The following GALNT7 variants were observed in gnomAD, a reference collection of about 807,000 sequenced individuals.
GALNT7 encodes the protein N-acetylgalactosaminyltransferase 7.
In GALNT7, 60 loss-of-function variants were observed where a neutral mutation model predicts 82.1. The ratio of observed to expected loss-of-function variants is 0.73; its 90% CI spans 0.59 to 0.91. GALNT7 has a LOEUF of 0.91. GALNT7 is among the 40% of genes least tolerant of loss of function. GALNT7 has a pLI of 0.00. For missense variants in GALNT7, 660 were observed against 804.2 expected, an observed-to-expected ratio of 0.82 and a Z score of 2.17; for synonymous variants, 243 against 275.1, an observed-to-expected ratio of 0.88 and a Z score of 1.15.
intron 1 of GALNT7, among the ~76,000 whole-genome samples, chr4:173,177,738 T>C (rs1396274755): frequency 6.6e-6 from 1 of 152,152 alleles, no homozygotes; most frequent in Non-Finnish European, 1.5e-5. Flanking sequence ...ATTACCTGCC[T>C]GCTAACCTAA....
At chr4:173,306,568 T>C (rs1328105840) in intron 8 of GALNT7, among the ~76,000 whole-genome samples, 1 of 152,242 alleles carries the variant, frequency 6.6e-6, no homozygotes, top group South Asian at 2.1e-4. Context: ...GCTTTTTACA[T>C]TGAATTTTGT....
intron 1 of GALNT7, among the ~76,000 whole-genome samples, chr4:173,191,280 G>T (rs768061424): frequency 6.6e-6 from 1 of 152,196 alleles, no homozygotes; most frequent in African/African-American, 2.4e-5. Context: ...AAAATAATGG[G>T]GCTGGTTTGG....
chr4:173,260,912 AGTG>A (rs775350243), intron 2 of GALNT7, among the ~76,000 whole-genome samples: 18 of 152,218 alleles, frequency 1.2e-4, no homozygotes, highest in Non-Finnish European at 2.5e-4. Context: ...TGGTACTCAT[AGTG>A]GTGGTGAATT....
chr4:173,213,639 C>T (rs1401475557), intron 1 of GALNT7, among the ~76,000 whole-genome samples: 4 of 151,652 alleles, frequency 2.6e-5, no homozygotes, highest in South Asian at 2.1e-4. Context: ...ATCCTGAAAA[C>T]GATTTGATAA....
At position 173,300,985 on chromosome 4, in the gene GALNT7, G is replaced by A. The variant is rs868441147; in HGVS notation, c.1149-1062G>A. 8.6e-5 allele frequency among the ~76,000 whole-genome samples: 13 copies of A among 151,988 alleles called. No homozygotes were observed. In the Middle Eastern group the frequency reaches 0.01, roughly 119 times the overall value. ...CCCATCTCTACAAAATACATAAAAA[G>A]GTAGCTGGATGTGTTGGTGTGCGCT... is the stretch of plus-strand genomic sequence containing the variant. On this transcript the variant is annotated intron_variant, in intron 6 of 11. Transcript: ENST00000265000.
At chr4:173,297,513 C>T (rs149566018) in intron 5 of GALNT7, among the ~76,000 whole-genome samples, 156 of 152,222 alleles carry the variant, frequency 1.0e-3, no homozygotes, top group African/African-American at 3.6e-3. Flanking sequence ...AGAAAGTTGC[C>T]TTTAGGACCA....
chr4:173,191,063 GAAA>G (rs113249937), intron 1 of GALNT7, among the ~76,000 whole-genome samples: 1 of 140,480 alleles, frequency 7.1e-6, no homozygotes, highest in East Asian at 2.0e-4. Context: ...TTGGAGGACT[GAAA>G]AAAAAAAAAT....
At chr4:173,234,429 A>G (rs1446426112) in intron 1 of GALNT7, among the ~76,000 whole-genome samples, 1 of 152,204 alleles carries the variant, frequency 6.6e-6, no homozygotes, top group African/African-American at 2.4e-5. Context: ...AATTCAGCAT[A>G]TCTAAAAGGG....
intron 2 of GALNT7, among the ~76,000 whole-genome samples, chr4:173,265,040 C>T (rs1274131141): frequency 2.6e-5 from 4 of 152,232 alleles, no homozygotes; most frequent in Non-Finnish European, 5.9e-5. Context: ...TTTGGCAAAA[C>T]TTGCGCTTCA....
At chr4:173,213,915 A>AT (rs1208564633) in intron 1 of GALNT7, among the ~76,000 whole-genome samples, 2 of 152,082 alleles carry the variant, frequency 1.3e-5, no homozygotes, top group African/African-American at 2.4e-5. Flanking sequence ...ATTCCTTATA[A>AT]TTTTTTTATA....
chr4:173,219,352 A>G (rs1733567001), intron 1 of GALNT7, among the ~76,000 whole-genome samples: 1 of 151,784 alleles, frequency 6.6e-6, no homozygotes, highest in African/African-American at 2.4e-5. Flanking sequence ...GTGTGTGTGT[A>G]TACATACACA....
intron 8 of GALNT7, among the ~76,000 whole-genome samples, chr4:173,308,679 A>T (rs1737250668): frequency 6.6e-6 from 1 of 152,120 alleles, no homozygotes; most frequent in South Asian, 2.1e-4. Flanking sequence ...CCGAGGTGGG[A>T]GGATCACGAG....
chr4:173,234,221 G>C (rs114221060), intron 1 of GALNT7, among the ~76,000 whole-genome samples: 2,006 of 152,228 alleles, frequency 0.013, 23 homozygotes, highest in South Asian at 0.025. Context: ...ATCATGTAAG[G>C]GGTGAATTCC....
chr4:173,249,135 A>G (rs1289108523), intron 2 of GALNT7, among the ~76,000 whole-genome samples: 1 of 152,204 alleles, frequency 6.6e-6, no homozygotes, highest in South Asian at 2.1e-4. Context: ...AGTTTATTCA[A>G]TAACTGGTTC....
intron 9 of GALNT7, chr4:173,317,256 C>A (rs1737638238): frequency 5.7e-6 from 1 of 176,288 alleles, no homozygotes; most frequent in Admixed American, 6.0e-5. Context: ...CCTTACAAAT[C>A]CAGTCTGTTC....
intron 1 of GALNT7, among the ~76,000 whole-genome samples, chr4:173,229,304 T>C (rs1428254918): frequency 6.6e-6 from 1 of 152,192 alleles, no homozygotes; most frequent in African/African-American, 2.4e-5. Flanking sequence ...AGCTGCTTTA[T>C]TATGAATTCT....
chr4:173,223,310 G>A (rs996933159), intron 1 of GALNT7, among the ~76,000 whole-genome samples: 1 of 151,888 alleles, frequency 6.6e-6, no homozygotes, highest in African/African-American at 2.4e-5. Flanking sequence ...CTATATTAAT[G>A]ATTCAATACA....
intron 2 of GALNT7, among the ~76,000 whole-genome samples, chr4:173,249,098 T>G (rs1400141885): frequency 6.6e-6 from 1 of 152,242 alleles, no homozygotes; most frequent in African/African-American, 2.4e-5. Flanking sequence ...TAGTGATTAC[T>G]GAATGAACTC....
intron 2 of GALNT7, chr4:173,282,393 G>GT (rs1736146077): frequency 6.6e-6 from 1 of 152,170 alleles, no homozygotes; most frequent in African/African-American, 2.4e-5. Context: ...CTGTGTGCAG[G>GT]TGCAGCCTGA....
Sources: allele counts gnomAD v4.1 joint callset (sites outside exome capture counted in the v4.1 genomes callset), GRCh38; gene constraint gnomAD v4.1.1; transcripts MANE v1.5; gene names NCBI Gene and HGNC (gene_info 2026-07-23, HGNC 2026-07-21).